Variants in EPHA4 observed in about 807,000 individuals in gnomAD.
EPHA4 encodes the protein ephrin type-A receptor 4.
EPHA4 carries 19 observed loss-of-function variants against 108.3 expected under a neutral mutation model. The observed-to-expected ratio is 0.18, with a 90% CI of 0.12 to 0.26. The LOEUF is 0.26. Among genes scored for constraint, EPHA4 ranks in the 10% least tolerant of loss-of-function variants. The probability of loss-of-function intolerance (pLI) is 1.00; values close to 1 mark genes in which losing one functional copy is unlikely to be tolerated. For missense variants in EPHA4, 917 were observed against 1,254.0 expected (o/e 0.73, Z 4.06); for synonymous variants, 449 against 455.5 (o/e 0.99, Z 0.18).
At chr2:221,509,505 G>A (rs1574622549) in intron 3 of EPHA4, among the ~76,000 whole-genome samples, 1 of 152,200 alleles carries the variant, frequency 6.6e-6, no homozygotes, top group East Asian at 1.9e-4. Flanking sequence ...CAGAAAAGAT[G>A]TACTGAGTTG....
intron 3 of EPHA4, among the ~76,000 whole-genome samples, chr2:221,543,261 C>G (rs1693891542): frequency 6.6e-6 from 1 of 152,134 alleles, no homozygotes; most frequent in African/African-American, 2.4e-5. Flanking sequence ...AACTGTGGTA[C>G]ATTCAGGCAA....
chr2:221,565,165 G>A (rs577785872), intron 2 of EPHA4, among the ~76,000 whole-genome samples: 86 of 152,202 alleles, frequency 5.7e-4, no homozygotes, highest in Non-Finnish European at 8.5e-4. Context: ...TAACTCTTCC[G>A]TGGACATTAA....
At position 221,546,681 on chromosome 2, in the gene EPHA4, G is replaced by C. The variant is rs369369807; in HGVS notation, c.823+17050C>G. Among the ~76,000 whole-genome samples the C allele has an allele frequency of 9.2e-5, 14 of 152,202 alleles. No individual in the cohort carries two copies. In the East Asian group the frequency reaches 2.1e-3, roughly 23 times the overall value. On this transcript the variant is annotated intron_variant, in intron 3 of 17. Coordinates refer to ENST00000281821, the MANE Select transcript of EPHA4 (RefSeq NM_004438.5). Reference sequence around the variant, plus strand: ...TAGAAGAGGCTTTCCCTCTGCCTCTGTCAGTGACTCAAACTGTTCTATCTT... The same window carrying C: ...TAGAAGAGGCTTTCCCTCTGCCTCTCTCAGTGACTCAAACTGTTCTATCTT...
chr2:221,505,507 G>T (rs1250969837), intron 3 of EPHA4, among the ~76,000 whole-genome samples: 1 of 151,944 alleles, frequency 6.6e-6, no homozygotes, highest in African/African-American at 2.4e-5. Flanking sequence ...TATATTTTTA[G>T]TAGAGATGGA....
At chr2:221,498,501 T>C (rs536891015) in intron 4 of EPHA4, among the ~76,000 whole-genome samples, 2 of 152,224 alleles carry the variant, frequency 1.3e-5, no homozygotes, top group South Asian at 4.1e-4. Context: ...AAGAAAAAGG[T>C]TGGGACTGAA....
chr2:221,438,543 T>A (rs753799606), intron 11 of EPHA4, among the ~76,000 whole-genome samples: 15 of 152,130 alleles, frequency 9.9e-5, no homozygotes, highest in Non-Finnish European at 2.1e-4. Flanking sequence ...ATTCCAGCAC[T>A]TTGGGAGGCC....
intron 5 of EPHA4, among the ~76,000 whole-genome samples, chr2:221,466,525 A>C (rs1691318657): frequency 6.6e-6 from 1 of 152,196 alleles, no homozygotes; most frequent in Admixed American, 6.5e-5. Context: ...AAATAATTTG[A>C]CCAAAGCCAT....
intron 5 of EPHA4, among the ~76,000 whole-genome samples, chr2:221,479,820 G>A (rs1482773002): frequency 6.6e-6 from 1 of 152,136 alleles, no homozygotes; most frequent in African/African-American, 2.4e-5. Flanking sequence ...TGGCCACATA[G>A]GAGGTCTCCT....
At chr2:221,426,388 A>T in intron 16 of EPHA4, 76 bp downstream of exon 16, 1 of 1,497,164 alleles carries the variant, frequency 6.7e-7, no homozygotes, top group Non-Finnish European at 8.9e-7. Flanking sequence ...TAGGATGATT[A>T]CGCAGCTCAA....
At chr2:221,479,663 A>G (rs1691760448) in intron 5 of EPHA4, among the ~76,000 whole-genome samples, 2 of 152,212 alleles carry the variant, frequency 1.3e-5, no homozygotes, top group South Asian at 4.1e-4. Context: ...GGCCTACATT[A>G]TTAATTTGCA....
intron 5 of EPHA4, among the ~76,000 whole-genome samples, chr2:221,465,772 C>G (rs541524318): frequency 6.6e-6 from 1 of 152,178 alleles, no homozygotes; most frequent in Non-Finnish European, 1.5e-5. Context: ...CCCATCACCA[C>G]CAACTGGATG....
intron 3 of EPHA4, among the ~76,000 whole-genome samples, chr2:221,550,450 AGAG>A (rs1559289964): frequency 1.0e-4 from 15 of 143,394 alleles, no homozygotes; most frequent in African/African-American, 3.7e-4. Context: ...AGAGAGAGAG[AGAG>A]AATGTAGACT....
At chr2:221,475,875 C>A (rs1691639924) in intron 5 of EPHA4, among the ~76,000 whole-genome samples, 1 of 152,180 alleles carries the variant, frequency 6.6e-6, no homozygotes, top group Non-Finnish European at 1.5e-5. Context: ...CCATAGCTTG[C>A]TGACCCCTGC....
intron 4 of EPHA4, among the ~76,000 whole-genome samples, chr2:221,500,368 G>A (rs145212938): frequency 6.6e-6 from 1 of 152,164 alleles, no homozygotes; most frequent in Non-Finnish European, 1.5e-5. Context: ...GGTCTGTGAA[G>A]GCCCAAGTGT....
chr2:221,443,692 A>G (rs1394201808), intron 9 of EPHA4, 86 bp from the exon 10 acceptor site: 2 of 983,544 alleles, frequency 2.0e-6, no homozygotes, highest in African/African-American at 1.6e-5. Flanking sequence ...ATTACCAAAC[A>G]TAGGAAAAGT....
At chr2:221,444,294 C>T (rs1438244003) in intron 9 of EPHA4, among the ~76,000 whole-genome samples, 1 of 152,138 alleles carries the variant, frequency 6.6e-6, no homozygotes, top group Non-Finnish European at 1.5e-5. Context: ...CTCATACTAC[C>T]CATAAACTAA....
At chr2:221,453,574 T>TAA (rs1363065567) in intron 8 of EPHA4, among the ~76,000 whole-genome samples, 1 of 152,184 alleles carries the variant, frequency 6.6e-6, no homozygotes, top group Non-Finnish European at 1.5e-5. Flanking sequence ...AGGTCAACCT[T>TAA]AAGTTTCCAA....
intron 14 of EPHA4, among the ~76,000 whole-genome samples, chr2:221,432,863 C>T (rs989029186): frequency 7.9e-5 from 9 of 114,216 alleles, no homozygotes; most frequent in East Asian, 2.6e-4. Flanking sequence ...CTTACTCTTT[C>T]GCCCAGGCTG....
At chr2:221,462,975 C>T (rs1013222743) in intron 5 of EPHA4, among the ~76,000 whole-genome samples, 1 of 152,190 alleles carries the variant, frequency 6.6e-6, no homozygotes. Context: ...GGTGAGACTC[C>T]CAAGTCATAA....
Sources: allele counts gnomAD v4.1 joint callset (sites outside exome capture counted in the v4.1 genomes callset), GRCh38; gene constraint gnomAD v4.1.1; transcripts MANE v1.5; gene names NCBI Gene and HGNC (gene_info 2026-07-23, HGNC 2026-07-21).